Variants in PPP3CC observed in about 807,000 individuals in gnomAD.
The protein encoded by PPP3CC is serine/threonine-protein phosphatase 2B catalytic subunit gamma isoform.
PPP3CC carries 35 observed loss-of-function variants against 60.3 expected under a neutral mutation model. That is an observed-to-expected ratio of 0.58 (90% CI 0.44 to 0.77). PPP3CC has a LOEUF of 0.77. Ranked by LOEUF, PPP3CC falls within the 30% of genes least tolerant of loss-of-function variation. The probability of loss-of-function intolerance (pLI) is 0.00; values close to 1 mark genes in which losing one functional copy is unlikely to be tolerated. For synonymous variants in PPP3CC, 206 were observed against 224.3 expected, an observed-to-expected ratio of 0.92 and a Z score of 0.73; for missense variants, 570 against 628.9, an observed-to-expected ratio of 0.91 and a Z score of 1.00.
chr8:22,503,023 A>G (rs1251917088), intron 4 of PPP3CC, among the ~76,000 whole-genome samples: 1 of 152,038 alleles, frequency 6.6e-6, no homozygotes, highest in Non-Finnish European at 1.5e-5. Context: ...TTTTAATTTT[A>G]TATCCTCTCT....
intron 10 of PPP3CC, among the ~76,000 whole-genome samples, chr8:22,529,847 T>C (rs968150260): frequency 6.6e-6 from 1 of 152,126 alleles, no homozygotes; most frequent in African/African-American, 2.4e-5. Flanking sequence ...CATTTTATTA[T>C]ATATGTAGCC....
chr8:22,540,566 C>T, intron 13 of PPP3CC, 49 bp from the exon 14 acceptor site: 1 of 1,551,640 alleles, frequency 6.4e-7, no homozygotes, highest in Non-Finnish European at 8.8e-7. Context: ...AAGCCTGTTG[C>T]TTTGCTGCCT....
chr8:22,445,881 C>T (rs927322979), intron 1 of PPP3CC, among the ~76,000 whole-genome samples: 2 of 152,164 alleles, frequency 1.3e-5, no homozygotes, highest in African/African-American at 2.4e-5. Flanking sequence ...CAGTGCTAAT[C>T]GAGATTCATA....
At chr8:22,444,257 A>G (rs1029984137) in intron 1 of PPP3CC, among the ~76,000 whole-genome samples, 9 of 110,684 alleles carry the variant, frequency 8.1e-5, no homozygotes, top group Non-Finnish European at 1.7e-4. Flanking sequence ...ACTCAGTCTC[A>G]AGCCAAAAAA....
At chr8:22,521,836 A>T (rs1010698888) in intron 6 of PPP3CC, among the ~76,000 whole-genome samples, 3 of 152,066 alleles carry the variant, frequency 2.0e-5, no homozygotes, top group Non-Finnish European at 4.4e-5. Flanking sequence ...AGAATATTGT[A>T]TCTTTTTTTA....
chr8:22,442,615 A>G (rs1301246637), intron 1 of PPP3CC, among the ~76,000 whole-genome samples: 5 of 152,226 alleles, frequency 3.3e-5, no homozygotes, highest in Non-Finnish European at 5.9e-5. Context: ...TTTGTATGCT[A>G]TCGTTAGAGG....
At chr8:22,530,811 A>G (rs896558901) in intron 10 of PPP3CC, among the ~76,000 whole-genome samples, 2 of 128,630 alleles carry the variant, frequency 1.6e-5, no homozygotes, top group African/African-American at 6.0e-5. Flanking sequence ...CAGCCTGGCG[A>G]CAGAGCGAGA....
At chr8:22,474,808 T>C (rs1837837131) in intron 1 of PPP3CC, 146 bp from the exon 2 acceptor site, 1 of 401,490 alleles carries the variant, frequency 2.5e-6, no homozygotes. Flanking sequence ...ATACATAGTA[T>C]CTTAGAATTT....
At position 22,528,579 on chromosome 8, in the gene PPP3CC, T is replaced by C. The variant is rs776820349; in HGVS notation, c.1141+2T>C. 1 of 1,533,044 alleles carries C rather than the reference T, an allele frequency of 6.5e-7. No homozygotes were observed. The highest frequency in any genetic ancestry group is 1.4e-5 in the South Asian group (1 of 73,584). 95.0% of individuals were successfully genotyped at this position (1,533,044 alleles called of 1,614,324 possible). ...TGATTTCTGATGATGAAGCAGAAGG[T>C]AAACTTTTCCTCCTTTGAACTAAAA... On this transcript the variant is annotated splice_donor_variant, in intron 10 of 13. Coordinates refer to ENST00000240139, the MANE Select transcript of PPP3CC (RefSeq NM_005605.5). LOFTEE classifies it high-confidence loss of function.
intron 1 of PPP3CC, among the ~76,000 whole-genome samples, chr8:22,454,902 A>G (rs1434690409): frequency 6.6e-6 from 1 of 151,672 alleles, no homozygotes; most frequent in African/African-American, 2.4e-5. Flanking sequence ...TAAAAATACA[A>G]AAAATTAGCC....
chr8:22,511,563 C>T (rs887062993), intron 5 of PPP3CC, among the ~76,000 whole-genome samples: 7 of 152,234 alleles, frequency 4.6e-5, no homozygotes, highest in African/African-American at 1.2e-4. Context: ...AGCCACCGCA[C>T]GCCTGGCCTA....
At chr8:22,491,361 A>G (rs975209815) in intron 3 of PPP3CC, among the ~76,000 whole-genome samples, 14 of 152,196 alleles carry the variant, frequency 9.2e-5, no homozygotes, top group Non-Finnish European at 1.8e-4. Flanking sequence ...ATCTCATATT[A>G]TAATACTTGC....
In PPP3CC at chr8:22,459,061, A is replaced by G. The variant is rs144789360; in HGVS notation, c.50-15893A>G. Among the ~76,000 whole-genome samples the G allele has an allele frequency of 2.9e-3, 436 of 151,912 alleles. 5 individuals carry two copies. The highest frequency in any genetic ancestry group is 0.021 in the Admixed American group (317 of 15,246). On this transcript the variant is annotated intron_variant, in intron 1 of 13. Coordinates refer to ENST00000240139, the MANE Select transcript of PPP3CC (RefSeq NM_005605.5). Reference sequence around the variant, plus strand: ...ATTGAAGTTGACACCAGAAATATACATTTGTAATTTTTTTTTTTTTTCTGA... The same window carrying G: ...ATTGAAGTTGACACCAGAAATATACGTTTGTAATTTTTTTTTTTTTTCTGA...
intron 4 of PPP3CC, among the ~76,000 whole-genome samples, chr8:22,505,650 A>T (rs1306258493): frequency 6.6e-6 from 1 of 152,224 alleles, no homozygotes; most frequent in Non-Finnish European, 1.5e-5. Context: ...ATAAATTAAT[A>T]GGAGAAGAGC....
chr8:22,470,109 T>A (rs183360269), intron 1 of PPP3CC, among the ~76,000 whole-genome samples: 2 of 151,780 alleles, frequency 1.3e-5, no homozygotes, highest in Admixed American at 1.3e-4. Flanking sequence ...TGTTCTCTGC[T>A]GTATCATTTA....
intron 6 of PPP3CC, among the ~76,000 whole-genome samples, chr8:22,517,837 C>G (rs1839294434): frequency 6.6e-6 from 1 of 151,672 alleles, no homozygotes; most frequent in Admixed American, 6.6e-5. Flanking sequence ...TGTTGTTTTT[C>G]TATTCTCTAT....
intron 1 of PPP3CC, among the ~76,000 whole-genome samples, chr8:22,443,609 C>T (rs1836741311): frequency 6.6e-6 from 1 of 151,116 alleles, no homozygotes; most frequent in South Asian, 2.1e-4. Flanking sequence ...CTGCAGGATG[C>T]AAATTTGTTC....
Position 22,441,262 on chromosome 8 carries a change from C to A in PPP3CC, c.-148C>A, listed in dbSNP as rs1836656608. 9 of 683,536 alleles carry A rather than the reference C, an allele frequency of 1.3e-5. No individual in the cohort carries two copies. The South Asian group carries it at 2.3e-4, about 17-fold the overall frequency. 42.3% of individuals were successfully genotyped at this position (683,536 alleles called of 1,614,324 possible). A position where few individuals can be genotyped will look rare whatever the true frequency, so the allele number is the denominator to read the frequency against. The stretch of plus-strand genomic sequence containing the variant: ...CCGGCGCTGCGGTGGCCGCGCCCTT[C>A]TGGTGCTCGGACACCGCTGAGGAGC... On this transcript the variant is annotated 5_prime_UTR_variant, in exon 1 of 14. It adds an upstream start codon to the 5' untranslated region. Coordinates refer to ENST00000240139, the MANE Select transcript of PPP3CC (RefSeq NM_005605.5).
At chr8:22,461,515 A>G (rs1286824925) in intron 1 of PPP3CC, among the ~76,000 whole-genome samples, 3 of 152,216 alleles carry the variant, frequency 2.0e-5, no homozygotes, top group Non-Finnish European at 2.9e-5. Context: ...GTAGAATAAC[A>G]TGGCATAACA....
Sources: gnomAD v4.1 joint callset for allele counts (sites outside exome capture counted in the v4.1 genomes callset) on GRCh38, gnomAD v4.1.1 for gene constraint, MANE v1.5 for transcripts, NCBI Gene and HGNC (gene_info 2026-07-23, HGNC 2026-07-21) for gene names.